Variants in CRAT observed in about 807,000 individuals in gnomAD.
CRAT encodes carnitine O-acetyltransferase.
In CRAT, 66 loss-of-function variants were observed where a neutral mutation model predicts 73.7. The observed-to-expected ratio is 0.90, with a 90% confidence interval of 0.73 to 1.10. The LOEUF (loss-of-function observed/expected upper bound fraction) is 1.10. Ranked by LOEUF, CRAT falls within the 50% of genes least tolerant of loss-of-function variation. The probability of loss-of-function intolerance (pLI) is 0.00; values close to 1 mark genes in which losing one functional copy is unlikely to be tolerated. For missense variants in CRAT, 745 were observed against 846.9 expected (o/e 0.88, Z 1.49); for synonymous variants, 321 against 343.2 (o/e 0.94, Z 0.71).
Position 129,101,997 on chromosome 9 carries a change from C to G in CRAT, c.691G>C (p.Val231Leu). The G allele has an allele frequency of 6.2e-7, 1 of 1,614,204 alleles. No individual in the cohort carries two copies. Among genetic ancestry groups the G allele is most frequent in the Non-Finnish European group, 8.5e-7 (1 of 1,180,024 alleles). Reference sequence around the variant, plus strand: ...GAGTTCCAGATCTTCTCCAGCTGCACAAAGATCTGATCCGCAGTGAGGGGT... The same window carrying G: ...GAGTTCCAGATCTTCTCCAGCTGCAGAAAGATCTGATCCGCAGTGAGGGGT... ...GTPLTADQIF[V>L]QLEKIWNSSL... Residue 231 changes from valine to leucine, a missense_variant, in exon 6 of 14, where the codon GTG becomes CTG. By Grantham distance (32) the Val-to-Leu change is conservative. Transcript: ENST00000318080.
chr9:129,105,151 C>T (rs925082427), intron 2 of CRAT, among the ~76,000 whole-genome samples: 10 of 152,096 alleles, frequency 6.6e-5, no homozygotes, highest in African/African-American at 1.9e-4. Context: ...GTGATCCTCC[C>T]GCCTCGGCCT....
In CRAT at chr9:129,108,084, G is replaced by C; in HGVS notation, c.28-7C>G. 3.3e-6 allele frequency: 5 copies of C among 1,508,680 alleles called. No homozygotes were observed. Among genetic ancestry groups the C allele is most frequent in the Non-Finnish European group, 3.5e-6 (4 of 1,136,316 alleles). 93.5% of individuals were successfully genotyped at this position (1,508,680 alleles called of 1,614,324 possible). A position where few individuals can be genotyped will look rare whatever the true frequency, so the allele number is the denominator to read the frequency against. On this transcript the variant is annotated splice_polypyrimidine_tract_variant and splice_region_variant and intron_variant, in intron 1 of 13. Coordinates refer to ENST00000318080, the MANE Select transcript of CRAT (RefSeq NM_000755.5). ...GGAAGCCCAGAGGCTTCACCTGCAGGTAGCAGAACATCCTGTTCATTCCCT... is the reference window on the plus strand; with the variant it reads ...GGAAGCCCAGAGGCTTCACCTGCAGCTAGCAGAACATCCTGTTCATTCCCT...
chr9:129,110,585 G>GA lies in CRAT; in HGVS notation c.-77_-76insT. The GA allele has an allele frequency of 6.8e-7, 1 of 1,473,476 alleles. No homozygotes were observed. The highest frequency in any genetic ancestry group is 9.0e-7 in the Non-Finnish European group (1 of 1,109,384). The allele number at this position is 1,473,476 out of a possible 1,614,324, so 91.3% of individuals were successfully genotyped here. A position where few individuals can be genotyped will look rare whatever the true frequency, so the allele number is the denominator to read the frequency against. ...CAAAGTCCGCGCCGCCGCCGCCGCG[G>GA]CTGGGGTCGGTGGGTCCTTGCTAGA... is the stretch of plus-strand genomic sequence containing the variant. On this transcript the variant is annotated 5_prime_UTR_variant, in exon 1 of 14. Coordinates refer to ENST00000318080, the MANE Select transcript of CRAT (RefSeq NM_000755.5). This position sits in a 1 kb window ranked among gnomAD's most constrained non-coding sequence, Gnocchi z 5.3.
At chr9:129,108,403 C>T in intron 1 of CRAT, 3 of 1,192,324 alleles carry the variant, frequency 2.5e-6, no homozygotes, top group Non-Finnish European at 3.1e-6. Flanking sequence ...CCCCTCCTTT[C>T]TCACCCTGGA....
chr9:129,095,601 C>T lies in CRAT; in HGVS notation c.1677G>A (p.Lys559=). The T allele has an allele frequency of 1.9e-6, 3 of 1,612,798 alleles. No homozygotes were observed. Among genetic ancestry groups the T allele is most frequent in the Non-Finnish European group, 1.7e-6 (2 of 1,179,890 alleles). ...FHLSTSQVPA[K]TDCVMFFGPV... is the part of the protein sequence containing the mutation. ...GCCCGAAGAACATGACACAGTCTGT[C>T]TTGGCAGGGACCTGGGGACGGCAGG... The change falls in exon 14 of 14, where the codon AAG becomes AAA. Residue 559 remains lysine (K), a synonymous_variant. Coordinates refer to ENST00000318080, the MANE Select transcript of CRAT (RefSeq NM_000755.5).
Position 129,101,893 on chromosome 9 carries a change from G to T in CRAT, c.795C>A (p.Thr265=), listed in dbSNP as rs1588451098. The change falls in exon 6 of 14, where the codon ACC becomes ACA. Residue 265 remains threonine (T), a synonymous_variant. Coordinates refer to ENST00000318080, the MANE Select transcript of CRAT (RefSeq NM_000755.5). ...GCCCCCAAGAGGCACCTTTGATGAG[G>T]GTGTTGTATGCCTTGGCCCAGGAGT... ...HRNSWAKAYN[T]LIKDKVNRDS... is the part of the protein sequence containing the mutation. 1 of 1,613,788 alleles carries T rather than the reference G, an allele frequency of 6.2e-7. No individual in the cohort carries two copies. Among genetic ancestry groups the T allele is most frequent in the Admixed American group, 1.7e-5 (1 of 59,986 alleles).
Position 129,098,653 on chromosome 9 carries a change from G to A in CRAT, c.1086-3C>T. 1 of 1,600,732 alleles carries A rather than the reference G, an allele frequency of 6.2e-7. No individual in the cohort carries two copies. Among genetic ancestry groups the A allele is most frequent in the Non-Finnish European group, 8.5e-7 (1 of 1,176,466 alleles). On this transcript the variant is annotated splice_region_variant and splice_polypyrimidine_tract_variant and intron_variant, in intron 8 of 13. Transcript: ENST00000318080. ...ACCGCACAAGCTCGGGTTTCTTCCT[G>A]CACAGTAAACGGGGCCTCAGGCTCA...
chr9:129,107,722 C>T lies in CRAT; in HGVS notation c.291+92G>A, dbSNP rs772650415. ...GAGTATGTGCTCACGAAACTCTGGG[C>T]AGCAAACGAACGGCCGTGCCAGAGC... On this transcript the variant is annotated intron_variant, in intron 2 of 13. Transcript: ENST00000318080. The surrounding 1 kb of genome is among the most constrained non-coding windows in gnomAD (Gnocchi z 5.0). The T allele has an allele frequency of 5.0e-6, 8 of 1,584,692 alleles. No individual in the cohort carries two copies. The highest frequency in any genetic ancestry group is 1.7e-5 in the Admixed American group (1 of 58,666).
chr9:129,104,531 T>C (rs115419192), intron 2 of CRAT, among the ~76,000 whole-genome samples: 2,581 of 151,914 alleles, frequency 0.017, 76 homozygotes, highest in African/African-American at 0.059. Context: ...AATCCGATGC[T>C]GCTGCTAAGA....
intron 1 of CRAT, chr9:129,108,572 T>C (rs1010994802): frequency 1.1e-5 from 12 of 1,092,590 alleles, no homozygotes; most frequent in African/African-American, 8.3e-5. Context: ...GGCTTCCTCC[T>C]GCCTTTGAGA....
Position 129,110,513 on chromosome 9 carries a change from C to T in CRAT, c.-4G>A, listed in dbSNP as rs1245140182. 7 of 1,576,358 alleles carry T rather than the reference C, an allele frequency of 4.4e-6. No homozygotes were observed. In the African/African-American group the frequency reaches 7.0e-5, roughly 16 times the overall value. ...TCCTGGCAGCGAAGGCTAACATCTTCGCTGCCCGTCCGCGGACACGCAGTC... is the reference window on the plus strand; with the variant it reads ...TCCTGGCAGCGAAGGCTAACATCTTTGCTGCCCGTCCGCGGACACGCAGTC... On this transcript the variant is annotated 5_prime_UTR_variant, in exon 1 of 14. Transcript: ENST00000318080. This position sits in a 1 kb window ranked among gnomAD's most constrained non-coding sequence, Gnocchi z 5.3.
At chr9:129,098,499 C>G in intron 9 of CRAT, 32 bp downstream of exon 9, 3 of 1,598,784 alleles carry the variant, frequency 1.9e-6, no homozygotes, top group Non-Finnish European at 2.6e-6. Flanking sequence ...CCTCACCCAT[C>G]CAGCACAGGG....
At chr9:129,096,731 C>T (rs905092363) in intron 12 of CRAT, among the ~76,000 whole-genome samples, 7 of 152,182 alleles carry the variant, frequency 4.6e-5, no homozygotes, top group Admixed American at 4.6e-4. Flanking sequence ...GAACCTGGAA[C>T]CAAGGCAGTT....
Position 129,098,309 on chromosome 9 carries a change from T to C in CRAT, c.1268A>G (p.Lys423Arg). Residue 423 changes from lysine (K) to arginine (R), a missense_variant, in exon 10 of 14, where the codon AAG becomes AGG. Transcript: ENST00000318080. ...VFHHFGKDFP[K>R]SEKLSPDAFI... is the part of the protein sequence containing the mutation. ...GGCATCTGGGCTTAGCTTCTCCGAC[T>C]TGGGGAAGTCTTTTCCAAAATGGTG... is the stretch of plus-strand genomic sequence containing the variant. 6.2e-7 allele frequency: 1 copy of C among 1,614,028 alleles called. No individual in the cohort carries two copies. The highest frequency in any genetic ancestry group is 8.5e-7 in the Non-Finnish European group (1 of 1,180,030).
At position 129,104,262 on chromosome 9, in the gene CRAT, C is replaced by G; in HGVS notation, c.336G>C (p.Gln112His). 1 of 1,613,514 alleles carries G rather than the reference C, an allele frequency of 6.2e-7. No individual in the cohort carries two copies. Among genetic ancestry groups the G allele is most frequent in the Non-Finnish European group, 8.5e-7 (1 of 1,179,828 alleles). Residue 112 changes from glutamine to histidine, a missense_variant, in exon 3 of 14, where the codon CAG (glutamine) becomes CAC (histidine). By Grantham distance (24) the Gln-to-His change is conservative. Transcript: ENST00000318080. ...WLKTAYLQYRQPVVIYSSPGV... is the reference protein window; with the variant it reads ...WLKTAYLQYRHPVVIYSSPGV... ...CTGGGCTCGAGTAGATGACCACAGG[C>G]TGGCGGTACTGGAGGTAGGCGGTCT...
intron 11 of CRAT, among the ~76,000 whole-genome samples, 153 bp from the exon 12 acceptor site, chr9:129,097,465 T>C (rs1487605130): frequency 6.6e-6 from 1 of 152,072 alleles, no homozygotes; most frequent in Admixed American, 6.5e-5. Context: ...TCCCAGCACT[T>C]TGGGAGGCCG....
chr9:129,104,990 T>A (rs1304168402), intron 2 of CRAT, among the ~76,000 whole-genome samples: 3 of 142,910 alleles, frequency 2.1e-5, no homozygotes, highest in African/African-American at 7.8e-5. Flanking sequence ...AAGCTCCACC[T>A]CCTGGGTTCA....
In CRAT at chr9:129,096,114, CAA is replaced by C; in HGVS notation, c.1547_1548del (p.Phe516Ter). On this transcript the variant is annotated frameshift_variant, in exon 13 of 14. Transcript: ENST00000318080. LOFTEE classifies it high-confidence loss of function. ...AGCTTCAGGCCCAGCAGGTGTCGAT[CAA>C]AGGCCTCCCCGCGGATGGCCTGTTG... ...YTDRAIRGEA[F>X]DRHLLGLKLQ... The C allele has an allele frequency of 6.2e-7, 1 of 1,613,586 alleles. No homozygotes were observed. The highest frequency in any genetic ancestry group is 1.1e-5 in the South Asian group (1 of 91,076).
intron 1 of CRAT, chr9:129,108,487 GT>G: frequency 8.6e-7 from 1 of 1,161,316 alleles, no homozygotes; most frequent in Non-Finnish European, 1.1e-6. Context: ...CCCTTTCCAG[GT>G]TGAGAAACAG....
Sources: allele counts gnomAD v4.1 joint callset (sites outside exome capture counted in the v4.1 genomes callset), GRCh38; gene constraint gnomAD v4.1.1; non-coding constraint Gnocchi (gnomAD v3.1); transcripts MANE v1.5; gene names NCBI Gene and HGNC (gene_info 2026-07-23, HGNC 2026-07-21).